The following MACROD2 variants were observed in gnomAD, a reference collection of about 807,000 sequenced individuals.
MACROD2 encodes the protein mono-ADP ribosylhydrolase 2.
MACROD2 carries 36 observed loss-of-function variants against 70.4 expected under a neutral mutation model. The ratio of observed to expected loss-of-function variants is 0.51; its 90% CI spans 0.39 to 0.68. The LOEUF is 0.68. MACROD2 is among the 30% of genes least tolerant of loss of function. The pLI, the probability that MACROD2 is intolerant of heterozygous loss-of-function variation, is 0.00. For missense variants in MACROD2, 496 were observed against 538.4 expected (o/e 0.92, Z 0.78); for synonymous variants, 172 against 178.8 (o/e 0.96, Z 0.30).
At chr20:14,578,874 T>C (rs1779657983) in intron 4 of MACROD2, among the ~76,000 whole-genome samples, 2 of 152,144 alleles carry the variant, frequency 1.3e-5, no homozygotes, top group African/African-American at 4.8e-5. Flanking sequence ...TGACTCTGGT[T>C]TATGTGACTT....
At chr20:15,230,134 G>T in intron 6 of MACROD2, 73 bp downstream of exon 6, 2 of 1,430,138 alleles carry the variant, frequency 1.4e-6, no homozygotes, top group Non-Finnish European at 9.4e-7. Context: ...CTTGTCTAAA[G>T]AGAGGTAGGA....
chr20:14,991,851 G>A (rs1299019964), intron 5 of MACROD2, among the ~76,000 whole-genome samples: 1 of 152,156 alleles, frequency 6.6e-6, no homozygotes, highest in African/African-American at 2.4e-5. Context: ...GGTACATAGT[G>A]TGAATTTAAA....
At chr20:14,704,560 CT>C (rs1222065674) in intron 5 of MACROD2, among the ~76,000 whole-genome samples, 2 of 152,144 alleles carry the variant, frequency 1.3e-5, no homozygotes, top group African/African-American at 4.8e-5. Context: ...GATCTTCTTG[CT>C]GGGGAAACTC....
At chr20:14,222,630 T>A (rs1453332294) in intron 3 of MACROD2, among the ~76,000 whole-genome samples, 1 of 152,066 alleles carries the variant, frequency 6.6e-6, no homozygotes, top group African/African-American at 2.4e-5. Context: ...CCTCATACAT[T>A]TATACAAATT....
intron 10 of MACROD2, among the ~76,000 whole-genome samples, chr20:15,917,341 G>C (rs1349029300): frequency 1.5e-4 from 23 of 152,314 alleles, no homozygotes; most frequent in Admixed American, 1.5e-3. Flanking sequence ...ATGTGGTACT[G>C]TCAGAGAAGA....
intron 6 of MACROD2, among the ~76,000 whole-genome samples, chr20:15,270,490 T>C (rs946195243): frequency 6.6e-6 from 1 of 152,210 alleles, no homozygotes; most frequent in African/African-American, 2.4e-5. Flanking sequence ...AGGGAGTTTT[T>C]TGAGGTTATG....
chr20:14,829,983 A>G (rs2072946253), intron 5 of MACROD2, among the ~76,000 whole-genome samples: 1 of 152,138 alleles, frequency 6.6e-6, no homozygotes, highest in Admixed American at 6.5e-5. Flanking sequence ...TATGAGTTTC[A>G]TGTTGAATTA....
intron 8 of MACROD2, among the ~76,000 whole-genome samples, chr20:15,810,469 A>C (rs560536721): frequency 6.8e-4 from 104 of 152,102 alleles, no homozygotes; most frequent in African/African-American, 2.4e-3. Flanking sequence ...GAACTAGTTT[A>C]CAGTCCCACC....
At position 15,675,441 on chromosome 20, in the gene MACROD2, CTACTTTTA is replaced by C. The variant is rs568093881; in HGVS notation, c.645+175596_645+175603del. 3.1e-4 allele frequency among the ~76,000 whole-genome samples: 47 copies of C among 152,268 alleles called. No homozygotes were observed. In the South Asian group the frequency reaches 8.3e-3, roughly 27 times the overall value. ...TAACATGTTTAATTAAACTATTAAT[CTACTTTTA>C]TCTGTGACACTAGAAAGCCAGCTAC... On this transcript the variant is annotated intron_variant, in intron 8 of 17. Transcript: ENST00000684519.
Position 15,110,829 on chromosome 20 carries a change from G to A in MACROD2, c.419-119111G>A, listed in dbSNP as rs567687945. 5.9e-5 allele frequency among the ~76,000 whole-genome samples: 9 copies of A among 152,258 alleles called. No individual in the cohort carries two copies. The East Asian group carries it at 1.4e-3, about 23-fold the overall frequency. On this transcript the variant is annotated intron_variant, in intron 5 of 17. Coordinates refer to ENST00000684519, the MANE Select transcript of MACROD2 (RefSeq NM_001351661.2). ...GACAAATGCACCTCCCTAGGTCTGA[G>A]AGCCAGTTACATTGCTGCCACCAAT...
intron 5 of MACROD2, among the ~76,000 whole-genome samples, chr20:14,880,626 G>A (rs139810198): frequency 7.5e-4 from 114 of 152,290 alleles, no homozygotes; most frequent in African/African-American, 2.4e-3. Flanking sequence ...AAGAATTCAT[G>A]CATTTAGCTT....
intron 8 of MACROD2, among the ~76,000 whole-genome samples, chr20:15,535,125 G>A (rs1401088324): frequency 6.6e-6 from 1 of 152,090 alleles, no homozygotes; most frequent in Admixed American, 6.6e-5. Context: ...ACAGGCAGGT[G>A]CCACTGTGCT....
intron 3 of MACROD2, among the ~76,000 whole-genome samples, chr20:14,244,718 A>G (rs1855292496): frequency 6.6e-6 from 1 of 152,226 alleles, no homozygotes; most frequent in Admixed American, 6.5e-5. Flanking sequence ...TGGAGCCTCC[A>G]GGGCCATCAC....
intron 3 of MACROD2, among the ~76,000 whole-genome samples, chr20:14,112,462 T>C (rs2054464036): frequency 6.6e-6 from 1 of 152,042 alleles, no homozygotes; most frequent in Non-Finnish European, 1.5e-5. Context: ...TGCATTAACA[T>C]ATTTCATGTA....
chr20:14,340,817 G>A (rs548308557), intron 3 of MACROD2, among the ~76,000 whole-genome samples: 1 of 152,248 alleles, frequency 6.6e-6, no homozygotes, highest in African/African-American at 2.4e-5. Flanking sequence ...AAAACTCTAG[G>A]ACTATCTAAA....
chr20:15,367,363 C>T (rs2045426082), intron 6 of MACROD2, among the ~76,000 whole-genome samples: 1 of 152,118 alleles, frequency 6.6e-6, no homozygotes, highest in African/African-American at 2.4e-5. Context: ...AGTTTCTACT[C>T]ATTTTTTTTC....
rs574239062 is a variant in MACROD2 at position 14,159,898 on chromosome 20, C to T, written c.271+74170C>T. On this transcript the variant is annotated intron_variant, in intron 3 of 17. Coordinates refer to ENST00000684519, the MANE Select transcript of MACROD2 (RefSeq NM_001351661.2). ...CTTTATCATATTGAGTTGTGTTCTT[C>T]TATGCCTAGTTTGCTGAGAATTTTT... 1.6e-4 allele frequency among the ~76,000 whole-genome samples: 24 copies of T among 152,154 alleles called. 1 individual carries two copies. The South Asian group carries it at 2.9e-3, about 18-fold the overall frequency.
intron 3 of MACROD2, among the ~76,000 whole-genome samples, chr20:14,336,752 T>G (rs2082944522): frequency 6.6e-6 from 1 of 152,190 alleles, no homozygotes. Context: ...GGTGTTCTAT[T>G]GAAGAGGGAA....
At chr20:16,044,221 C>T (rs1246656393) in intron 16 of MACROD2, among the ~76,000 whole-genome samples, 1 of 152,038 alleles carries the variant, frequency 6.6e-6, no homozygotes, top group African/African-American at 2.4e-5. Flanking sequence ...ACGTGTCACA[C>T]ACTTTTAAAC....
Sources: gnomAD v4.1 joint callset for allele counts (sites outside exome capture counted in the v4.1 genomes callset) on GRCh38, gnomAD v4.1.1 for gene constraint, MANE v1.5 for transcripts, NCBI Gene and HGNC (gene_info 2026-07-23, HGNC 2026-07-21) for gene names.